The following KAT2B variants were observed in gnomAD, a reference collection of about 807,000 sequenced individuals.
KAT2B encodes lysine acetyltransferase 2B, also known as histone acetyltransferase KAT2B.
Under a neutral mutation model 105.9 loss-of-function variants are expected in KAT2B, and 36 were observed. That is an observed-to-expected ratio of 0.34 (90% CI 0.26 to 0.45). The LOEUF is 0.45. Among genes scored for constraint, KAT2B ranks in the 20% least tolerant of loss-of-function variants. KAT2B has a pLI of 1.00. For synonymous variants in KAT2B, 397 were observed against 377.9 expected (o/e 1.05, Z -0.59); for missense variants, 820 against 1,021.6 (o/e 0.80, Z 2.69).
intron 8 of KAT2B, among the ~76,000 whole-genome samples, chr3:20,120,710 A>G (rs1480222951): frequency 6.6e-6 from 1 of 152,206 alleles, no homozygotes; most frequent in African/African-American, 2.4e-5. Flanking sequence ...CACATGGGCA[A>G]AAATATCTCT....
intron 2 of KAT2B, among the ~76,000 whole-genome samples, chr3:20,086,011 C>T (rs1698607972): frequency 6.6e-6 from 1 of 152,162 alleles, no homozygotes; most frequent in Non-Finnish European, 1.5e-5. Context: ...TGGCTCACAC[C>T]TGTAATCCCA....
chr3:20,135,768 G>A (rs781681560), intron 11 of KAT2B, among the ~76,000 whole-genome samples: 6 of 152,194 alleles, frequency 3.9e-5, no homozygotes, highest in Admixed American at 2.0e-4. Flanking sequence ...GGAAAGTACG[G>A]ATGGGCATGT....
chr3:20,096,949 AAG>A (rs3062235), intron 3 of KAT2B, among the ~76,000 whole-genome samples: 65,412 of 150,096 alleles, frequency 0.44, 15,000 homozygotes, highest in African/African-American at 0.61. Flanking sequence ...AATAATAGGA[AAG>A]AGAGAGAGAG....
intron 1 of KAT2B, among the ~76,000 whole-genome samples, chr3:20,044,404 A>G (rs12485260): frequency 0.16 from 24,013 of 151,552 alleles, 2,025 homozygotes; most frequent in Non-Finnish European, 0.19. Flanking sequence ...GTGACAGAGC[A>G]AGATTCTCCC....
chr3:20,051,977 A>G lies in KAT2B; in HGVS notation c.303+11197A>G, dbSNP rs1165326130. On this transcript the variant is annotated intron_variant, in intron 1 of 17. Coordinates refer to ENST00000263754, the MANE Select transcript of KAT2B (RefSeq NM_003884.5). ...TTTCTGCTCAGGTACCTCCTGTTCA[A>G]ACTTCTTAAGATAATTTATCACCTA... Among the ~76,000 whole-genome samples, 3 of 152,244 alleles carry G rather than the reference A, an allele frequency of 2.0e-5. No individual in the cohort carries two copies. The East Asian group carries it at 5.8e-4, about 29-fold the overall frequency.
chr3:20,062,891 G>A (rs1698162432), intron 1 of KAT2B, among the ~76,000 whole-genome samples: 1 of 152,006 alleles, frequency 6.6e-6, no homozygotes, highest in Non-Finnish European at 1.5e-5. Flanking sequence ...TGTTGTTGTT[G>A]AGTTGTAGGC....
intron 1 of KAT2B, among the ~76,000 whole-genome samples, chr3:20,059,194 C>G (rs142521636): frequency 1.2e-3 from 176 of 152,072 alleles, no homozygotes; most frequent in African/African-American, 4.1e-3. Context: ...GGGCAGATCA[C>G]TTGAGGTCGG....
At chr3:20,149,131 T>G (rs1278370778) in intron 17 of KAT2B, 3 of 152,188 alleles carry the variant, frequency 2.0e-5, no homozygotes, top group Non-Finnish European at 4.4e-5. Context: ...AATGATTAAT[T>G]GAATCATTTG....
intron 1 of KAT2B, among the ~76,000 whole-genome samples, chr3:20,067,239 A>G (rs948404836): frequency 1.3e-5 from 2 of 152,222 alleles, no homozygotes; most frequent in African/African-American, 4.8e-5. Flanking sequence ...TTACATTTTT[A>G]AGCATCAGTG....
chr3:20,079,886 C>T (rs1170593454), intron 2 of KAT2B, among the ~76,000 whole-genome samples: 2 of 152,076 alleles, frequency 1.3e-5, no homozygotes, highest in South Asian at 2.1e-4. Flanking sequence ...AGCTGTGGGT[C>T]GGGCACAGCA....
intron 10 of KAT2B, 29 bp from the exon 11 acceptor site, chr3:20,127,394 A>G (rs780092721): frequency 1.9e-6 from 3 of 1,600,234 alleles, no homozygotes; most frequent in Non-Finnish European, 8.6e-7. Flanking sequence ...TAGGATAGGT[A>G]AAACTTTGAC....
intron 13 of KAT2B, among the ~76,000 whole-genome samples, chr3:20,145,668 TTCTC>T (rs1369379247): frequency 6.6e-6 from 1 of 150,916 alleles, no homozygotes; most frequent in Non-Finnish European, 1.5e-5. Flanking sequence ...CTCTCAAAAT[TTCTC>T]AGTCAGTGTG....
At position 20,073,385 on chromosome 3, in the gene KAT2B, A is replaced by C. The variant is rs374963633; in HGVS notation, c.430+926A>C. 3.3e-5 allele frequency among the ~76,000 whole-genome samples: 5 copies of C among 152,278 alleles called. No homozygotes were observed. In the East Asian group the frequency reaches 9.6e-4, roughly 29 times the overall value. On this transcript the variant is annotated intron_variant, in intron 2 of 17. Transcript: ENST00000263754. ...TGACTTCTTATGCCATCATTTCTCT[A>C]GAGCTTCCTGCTTACAAGAAATGGT... is the stretch of plus-strand genomic sequence containing the variant.
At chr3:20,063,440 T>G (rs1698171416) in intron 1 of KAT2B, among the ~76,000 whole-genome samples, 1 of 150,806 alleles carries the variant, frequency 6.6e-6, no homozygotes, top group Admixed American at 6.7e-5. Context: ...TTTCTTTCTT[T>G]CTTTTTTTTT....
rs113513179 is a variant in KAT2B at position 20,118,360 on chromosome 3, A to G, written c.1151-1238A>G. ...TGTGTGTGTGTGTGTGTGTGTGTGT[A>G]TGTGTGTGTATATGTATATATAAAA... On this transcript the variant is annotated intron_variant, in intron 7 of 17. Transcript: ENST00000263754. Among the ~76,000 whole-genome samples, 291 of 129,462 alleles carry G rather than the reference A, an allele frequency of 2.2e-3. 2 individuals are homozygous for G. Among genetic ancestry groups the G allele is most frequent in the Non-Finnish European group, 3.8e-3 (233 of 60,530 alleles). 84.9% of individuals were successfully genotyped at this position (129,462 alleles called of 152,430 possible). A position where few individuals can be genotyped will look rare whatever the true frequency, so the allele number is the denominator to read the frequency against.
At chr3:20,080,531 C>G (rs1396950428) in intron 2 of KAT2B, among the ~76,000 whole-genome samples, 1 of 152,098 alleles carries the variant, frequency 6.6e-6, no homozygotes. Flanking sequence ...GACTTTTTCT[C>G]TAGTTTGTAA....
At chr3:20,075,907 C>A (rs148559450) in intron 2 of KAT2B, among the ~76,000 whole-genome samples, 30 of 133,238 alleles carry the variant, frequency 2.3e-4, no homozygotes, top group South Asian at 4.8e-4. Context: ...ACTCCCATCT[C>A]AAAAAAAAAA....
chr3:20,079,629 C>G (rs1044101998), intron 2 of KAT2B, among the ~76,000 whole-genome samples: 4 of 152,158 alleles, frequency 2.6e-5, no homozygotes, highest in African/African-American at 9.7e-5. Context: ...GTATTTAAAT[C>G]ATTTAGGCAG....
At chr3:20,040,848 C>G (rs868646660) in intron 1 of KAT2B, 68 bp downstream of exon 1, 6 of 1,466,034 alleles carry the variant, frequency 4.1e-6, no homozygotes, top group Non-Finnish European at 5.4e-6. Flanking sequence ...CCCCCTCCCC[C>G]TCCCGCTTCC....
Sources: gnomAD v4.1 joint callset for allele counts (sites outside exome capture counted in the v4.1 genomes callset) on GRCh38, gnomAD v4.1.1 for gene constraint, MANE v1.5 for transcripts, NCBI Gene and HGNC (gene_info 2026-07-23, HGNC 2026-07-21) for gene names.